Variants in ABCA13 observed in about 807,000 individuals in gnomAD.
ABCA13 encodes ATP binding cassette subfamily A member 13.
In ABCA13, 476 loss-of-function variants were observed where a neutral mutation model predicts 478.7. That is an observed-to-expected ratio of 0.99 (90% CI 0.92 to 1.07). The LOEUF (loss-of-function observed/expected upper bound fraction) is 1.07, where lower values mean the gene tolerates loss of function less well. Among genes scored for constraint, ABCA13 ranks in the 50% least tolerant of loss-of-function variants. The pLI, the probability that ABCA13 is intolerant of heterozygous loss-of-function variation, is 0.00. For missense variants in ABCA13, 6,060 were observed against 5,910.6 expected (o/e 1.03, Z -0.83); for synonymous variants, 2,252 against 2,158.9 (o/e 1.04, Z -1.20).
In ABCA13 at chr7:48,278,195, A is replaced by C; in HGVS notation, c.7001A>C (p.Glu2334Ala). 6.3e-7 allele frequency: 1 copy of C among 1,587,964 alleles called. No homozygotes were observed. Among genetic ancestry groups the C allele is most frequent in the East Asian group, 2.2e-5 (1 of 44,650 alleles). Residue 2334 changes from glutamate (E) to alanine (A), a missense_variant, in exon 18 of 62, where the codon GAG (glutamate) becomes GCG (alanine). This residue lies in a region of ABCA13 where 4,423 missense variants were observed against 4,309.1 expected (regional missense o/e 1.03). Coordinates refer to ENST00000435803, the MANE Select transcript of ABCA13 (RefSeq NM_152701.5). ...ATGAACATTTTTTCAAGTTTAAAGG[A>C]GACTATATATCACCTAATGAAAAGT... ...RLMNIFSSLK[E>A]TIYHLMKSSF...
At chr7:48,516,657 T>C (rs1832138487) in intron 51 of ABCA13, 68 bp from the exon 52 acceptor site, 8 of 1,499,698 alleles carry the variant, frequency 5.3e-6, no homozygotes, top group Admixed American at 1.7e-5. Flanking sequence ...TTAGAATGTA[T>C]CTGCCATAGA....
At chr7:48,183,319 T>C (rs1302026251) in intron 1 of ABCA13, among the ~76,000 whole-genome samples, 1 of 152,210 alleles carries the variant, frequency 6.6e-6, no homozygotes, top group Non-Finnish European at 1.5e-5. Context: ...AATCTGGAGA[T>C]TGTTTGTTCA....
At position 48,352,496 on chromosome 7, in the gene ABCA13, C is replaced by G. The variant is rs558287023; in HGVS notation, c.10688+9C>G. Reference sequence around the variant, plus strand: ...TGCCATACCAGCGACCTGTGAGTAGCCTGGGGCAGGAGCCACCGACAGTGA... The same window carrying G: ...TGCCATACCAGCGACCTGTGAGTAGGCTGGGGCAGGAGCCACCGACAGTGA... On this transcript the variant is annotated intron_variant, in intron 31 of 61. Coordinates refer to ENST00000435803, the MANE Select transcript of ABCA13 (RefSeq NM_152701.5). 18 of 1,585,278 alleles carry G rather than the reference C, an allele frequency of 1.1e-5. No individual in the cohort carries two copies. The African/African-American group carries it at 1.8e-4, about 15-fold the overall frequency.
At chr7:48,227,133 A>C in intron 5 of ABCA13, 129 bp from the exon 6 acceptor site, 2 of 818,334 alleles carry the variant, frequency 2.4e-6, no homozygotes, top group Non-Finnish European at 4.0e-6. Flanking sequence ...CAATGTAGTG[A>C]TATATTAAGT....
chr7:48,397,979 C>T (rs776673924), intron 38 of ABCA13, among the ~76,000 whole-genome samples: 1 of 152,168 alleles, frequency 6.6e-6, no homozygotes, highest in Admixed American at 6.5e-5. Context: ...GTGGCTGGTT[C>T]ACATCTTGTG....
chr7:48,219,262 T>C, intron 3 of ABCA13, 92 bp from the exon 4 acceptor site: 1 of 1,387,256 alleles, frequency 7.2e-7, no homozygotes, highest in Non-Finnish European at 9.7e-7. Context: ...CAAGTTTAAT[T>C]GAAAGCAATT....
chr7:48,556,256 GAGA>G (rs1424174748), intron 55 of ABCA13, among the ~76,000 whole-genome samples: 2 of 151,894 alleles, frequency 1.3e-5, no homozygotes, highest in Admixed American at 1.3e-4. Flanking sequence ...TCTACGTGCT[GAGA>G]AGGAGAATAT....
At chr7:48,534,304 G>C (rs1013325585) in intron 55 of ABCA13, among the ~76,000 whole-genome samples, 1 of 152,080 alleles carries the variant, frequency 6.6e-6, no homozygotes, top group South Asian at 2.1e-4. Context: ...ATAGAACCCT[G>C]ATCCCTTCTA....
At chr7:48,639,714 A>G (rs1794969410) in intron 59 of ABCA13, among the ~76,000 whole-genome samples, 4 of 152,200 alleles carry the variant, frequency 2.6e-5, no homozygotes, top group Admixed American at 2.6e-4. Flanking sequence ...ACATAATACA[A>G]ATATTACATA....
chr7:48,353,108 G>GGAC (rs1300652872), intron 31 of ABCA13, among the ~76,000 whole-genome samples: 1 of 151,872 alleles, frequency 6.6e-6, no homozygotes, highest in African/African-American at 2.4e-5. Flanking sequence ...TTTGCAGAGA[G>GGAC]GACGGGAGAC....
chr7:48,487,615 C>T (rs34508623), intron 47 of ABCA13, among the ~76,000 whole-genome samples: 5,877 of 152,238 alleles, frequency 0.039, 139 homozygotes, highest in South Asian at 0.12. Context: ...TAAATTTGAA[C>T]AGTTAAGGGA....
At position 48,352,491 on chromosome 7, in the gene ABCA13, A is replaced by C. The variant is rs1418587880; in HGVS notation, c.10688+4A>C. On this transcript the variant is annotated splice_donor_region_variant and intron_variant, in intron 31 of 61. Coordinates refer to ENST00000435803, the MANE Select transcript of ABCA13 (RefSeq NM_152701.5). ...ACCCCTGCCATACCAGCGACCTGTG[A>C]GTAGCCTGGGGCAGGAGCCACCGAC... The C allele has an allele frequency of 1.3e-6, 2 of 1,594,890 alleles. No individual in the cohort carries two copies. Among genetic ancestry groups the C allele is most frequent in the Admixed American group, 3.4e-5 (2 of 58,334 alleles).
chr7:48,442,584 G>A (rs66501875), intron 42 of ABCA13, among the ~76,000 whole-genome samples: 17,627 of 152,174 alleles, frequency 0.12, 1,219 homozygotes, highest in Admixed American at 0.16. Context: ...ACTGCTTAGT[G>A]TAATGTTTAG....
intron 20 of ABCA13, among the ~76,000 whole-genome samples, chr7:48,293,430 A>T (rs553826661): frequency 1.3e-5 from 2 of 152,258 alleles, no homozygotes; most frequent in Admixed American, 6.5e-5. Flanking sequence ...CAGAAATATT[A>T]TCTAAGTGTT....
At chr7:48,629,739 G>T (rs1428152635) in intron 59 of ABCA13, among the ~76,000 whole-genome samples, 2 of 152,066 alleles carry the variant, frequency 1.3e-5, no homozygotes, top group East Asian at 1.9e-4. Context: ...GAATGTTGAG[G>T]CACCAGAATG....
intron 1 of ABCA13, among the ~76,000 whole-genome samples, chr7:48,172,929 A>G (rs1395784824): frequency 6.7e-6 from 1 of 149,090 alleles, no homozygotes; most frequent in African/African-American, 2.5e-5. Context: ...TAAACAGTGT[A>G]TTTCATTGAC....
intron 26 of ABCA13, among the ~76,000 whole-genome samples, chr7:48,316,145 T>C (rs982970140): frequency 1.3e-5 from 2 of 152,178 alleles, no homozygotes; most frequent in Non-Finnish European, 2.9e-5. Flanking sequence ...GTTAAGTAAA[T>C]CTTTAATTGA....
chr7:48,594,363 TA>T (rs1183164647), intron 57 of ABCA13, among the ~76,000 whole-genome samples: 1 of 152,150 alleles, frequency 6.6e-6, no homozygotes, highest in Non-Finnish European at 1.5e-5. Context: ...TTCTCTATTA[TA>T]TTTTTTATTT....
intron 55 of ABCA13, among the ~76,000 whole-genome samples, chr7:48,550,927 C>T (rs939898545): frequency 5.3e-5 from 8 of 151,512 alleles, no homozygotes; most frequent in Non-Finnish European, 1.0e-4. Context: ...CCTTCCAGCT[C>T]TTTACTGAGC....
Sources: allele counts gnomAD v4.1 joint callset (sites outside exome capture counted in the v4.1 genomes callset), GRCh38; gene constraint gnomAD v4.1.1; regional missense constraint gnomAD v4.1.1; transcripts MANE v1.5; gene names NCBI Gene and HGNC (gene_info 2026-07-23, HGNC 2026-07-21).